NALF1: variants seen among roughly 807,000 people sequenced by gnomAD.
NALF1 encodes the protein family with sequence similarity 155 member A.
NALF1 carries 3 observed loss-of-function variants against 48.4 expected under a neutral mutation model. That is an observed-to-expected ratio of 0.06 (90% CI 0.03 to 0.16). NALF1 has a LOEUF of 0.16. Among genes scored for constraint, NALF1 ranks in the 10% least tolerant of loss-of-function variants. The pLI is 1.00. For missense variants in NALF1, 526 were observed against 571.5 expected (o/e 0.92, Z 0.81); for synonymous variants, 262 against 245.7 (o/e 1.07, Z -0.62).
intron 1 of NALF1, among the ~76,000 whole-genome samples, chr13:107,723,596 G>A (rs1168155140): frequency 6.6e-6 from 1 of 152,178 alleles, no homozygotes; most frequent in Non-Finnish European, 1.5e-5. Flanking sequence ...CATCAGGAGA[G>A]AATATTGCAG....
chr13:107,553,060 T>C (rs1200153477), intron 1 of NALF1, among the ~76,000 whole-genome samples: 7 of 152,092 alleles, frequency 4.6e-5, no homozygotes, highest in East Asian at 1.9e-4. Flanking sequence ...TAAATATAAA[T>C]AGATGAATCT....
intron 1 of NALF1, among the ~76,000 whole-genome samples, chr13:107,599,235 A>G (rs1269914484): frequency 6.6e-6 from 1 of 152,110 alleles, no homozygotes; most frequent in Non-Finnish European, 1.5e-5. Flanking sequence ...CCTGGCTAAC[A>G]CGGTGAAACC....
At chr13:107,714,197 A>T (rs924729133) in intron 1 of NALF1, among the ~76,000 whole-genome samples, 1 of 152,234 alleles carries the variant, frequency 6.6e-6, no homozygotes, top group Non-Finnish European at 1.5e-5. Context: ...AATCTTTTTC[A>T]TGACAAAGAT....
intron 1 of NALF1, among the ~76,000 whole-genome samples, chr13:107,588,826 A>G (rs1878528073): frequency 6.6e-6 from 1 of 152,128 alleles, no homozygotes; most frequent in African/African-American, 2.4e-5. Context: ...GGAAAAAAGA[A>G]AGCCGAATCC....
At chr13:107,449,734 T>A (rs1200288554) in intron 1 of NALF1, among the ~76,000 whole-genome samples, 2 of 152,190 alleles carry the variant, frequency 1.3e-5, no homozygotes, top group East Asian at 3.9e-4. Context: ...ATAGCCAATT[T>A]TCGCACGGCA....
chr13:107,526,222 G>A (rs1318996315), intron 1 of NALF1, among the ~76,000 whole-genome samples: 1 of 151,978 alleles, frequency 6.6e-6, no homozygotes, highest in Non-Finnish European at 1.5e-5. Flanking sequence ...ATGAGCATCT[G>A]TATGTTCAGA....
chr13:107,518,106 T>G (rs1307794214), intron 1 of NALF1, among the ~76,000 whole-genome samples: 3 of 152,158 alleles, frequency 2.0e-5, no homozygotes, highest in Non-Finnish European at 4.4e-5. Flanking sequence ...AAGTGAGAGA[T>G]AAAATGATAT....
rs151085996 is a variant in NALF1 at position 107,840,597 on chromosome 13, G to A, written c.915+25085C>T. Among the ~76,000 whole-genome samples, 349 of 152,326 alleles carry A rather than the reference G, an allele frequency of 2.3e-3. 2 individuals are homozygous for A. Among genetic ancestry groups the A allele is most frequent in the African/African-American group, 7.9e-3 (329 of 41,580 alleles). ...CACCAAATGCACACAGACATTCAGT[G>A]TACTTGGTCTCACTGACACATGCAG... On this transcript the variant is annotated intron_variant, in intron 1 of 2. Coordinates refer to ENST00000375915, the MANE Select transcript of NALF1 (RefSeq NM_001080396.3).
intron 1 of NALF1, among the ~76,000 whole-genome samples, chr13:107,263,291 C>CACA (rs1491523793): frequency 1.4e-5 from 2 of 147,160 alleles, no homozygotes; most frequent in African/African-American, 2.5e-5. Context: ...CACACACACA[C>CACA]ATCTCAGTGG....
chr13:107,168,887 A>T lies in NALF1; in HGVS notation c.*1610T>A, dbSNP rs1878726265. 6.6e-6 allele frequency: 1 copy of T among 152,638 alleles called. No homozygotes were observed. Among genetic ancestry groups the T allele is most frequent in the Non-Finnish European group, 1.5e-5 (1 of 68,034 alleles). The allele number at this position is 152,638 out of a possible 1,614,324, so 9.5% of individuals were successfully genotyped here. A position where few individuals can be genotyped will look rare whatever the true frequency, so the allele number is the denominator to read the frequency against. On this transcript the variant is annotated 3_prime_UTR_variant, in exon 3 of 3. Transcript: ENST00000375915. ...AGGACCTTTTCTATGGATTTCCTTC[A>T]TCTCTCAGTCACACTGCAAACTTAT... is the stretch of plus-strand genomic sequence containing the variant.
intron 1 of NALF1, among the ~76,000 whole-genome samples, chr13:107,776,034 G>A (rs1459344863): frequency 6.6e-6 from 1 of 152,182 alleles, no homozygotes; most frequent in Non-Finnish European, 1.5e-5. Flanking sequence ...ACAACTTGCT[G>A]GCTTCAGCAG....
chr13:107,234,377 G>A (rs961496664), intron 1 of NALF1, among the ~76,000 whole-genome samples: 2 of 152,206 alleles, frequency 1.3e-5, no homozygotes, highest in Admixed American at 6.5e-5. Flanking sequence ...AGCAGATTCT[G>A]TGACAAACAG....
chr13:107,249,460 G>C (rs9587327), intron 1 of NALF1, among the ~76,000 whole-genome samples: 19,136 of 152,018 alleles, frequency 0.13, 1,564 homozygotes, highest in East Asian at 0.4. Context: ...TCTACACGAA[G>C]TGATGTTTTT....
intron 1 of NALF1, among the ~76,000 whole-genome samples, chr13:107,622,144 C>T (rs1356945795): frequency 6.6e-6 from 1 of 151,560 alleles, no homozygotes; most frequent in African/African-American, 2.4e-5. Flanking sequence ...TTCTAAGAAT[C>T]ATGGCTGGGT....
At chr13:107,281,875 G>A (rs1250016852) in intron 1 of NALF1, among the ~76,000 whole-genome samples, 2 of 152,174 alleles carry the variant, frequency 1.3e-5, no homozygotes, top group Non-Finnish European at 2.9e-5. Context: ...CAGATCTTAT[G>A]AGAATTCACT....
chr13:107,798,841 C>T (rs1878513357), intron 1 of NALF1, among the ~76,000 whole-genome samples: 1 of 152,122 alleles, frequency 6.6e-6, no homozygotes, highest in East Asian at 1.9e-4. Context: ...AACAAACTGC[C>T]CCCAAATATT....
chr13:107,559,297 ATTGCT>A (rs1844100273), intron 1 of NALF1, among the ~76,000 whole-genome samples: 1 of 152,170 alleles, frequency 6.6e-6, no homozygotes. Flanking sequence ...TGAATCTTTC[ATTGCT>A]CGCTTATGTA....
chr13:107,534,463 TG>T (rs1218513969), intron 1 of NALF1, among the ~76,000 whole-genome samples: 1 of 152,178 alleles, frequency 6.6e-6, no homozygotes, highest in African/African-American at 2.4e-5. Context: ...TGTTATTTTT[TG>T]TTTTCTTCCA....
intron 1 of NALF1, among the ~76,000 whole-genome samples, chr13:107,304,262 C>A (rs1881894697): frequency 6.6e-6 from 1 of 152,100 alleles, no homozygotes; most frequent in Admixed American, 6.5e-5. Context: ...AGTGAATATA[C>A]ACATGTAAGT....
Sources: allele counts gnomAD v4.1 joint callset (sites outside exome capture counted in the v4.1 genomes callset), GRCh38; gene constraint gnomAD v4.1.1; transcripts MANE v1.5; gene names NCBI Gene and HGNC (gene_info 2026-07-23, HGNC 2026-07-21).